The following MEGF10 variants were observed in gnomAD, a reference collection of about 807,000 sequenced individuals.
The protein encoded by MEGF10 is multiple epidermal growth factor-like domains protein 10.
A neutral mutation model predicts 147.5 loss-of-function variants in MEGF10; 86 were observed. That is an observed-to-expected ratio of 0.58 (90% CI 0.49 to 0.70). The LOEUF (loss-of-function observed/expected upper bound fraction) is 0.70. Among genes scored for constraint, MEGF10 ranks in the 30% least tolerant of loss-of-function variants. The pLI is 0.00. For missense variants in MEGF10, 1,329 were observed against 1,487.3 expected, an observed-to-expected ratio of 0.89 and a Z score of 1.75; for synonymous variants, 478 against 525.5, an observed-to-expected ratio of 0.91 and a Z score of 1.24.
chr5:127,328,928 A>G (rs955179055), intron 1 of MEGF10, among the ~76,000 whole-genome samples: 25 of 152,324 alleles, frequency 1.6e-4, no homozygotes, highest in Admixed American at 3.3e-4. Flanking sequence ...GGATGAGGAA[A>G]ACACTAGCTG....
intron 4 of MEGF10, among the ~76,000 whole-genome samples, chr5:127,352,758 T>C (rs143571232): frequency 6.6e-6 from 1 of 152,330 alleles, no homozygotes; most frequent in East Asian, 1.9e-4. Flanking sequence ...GACTGCCTTG[T>C]TCTTCAGAGA....
chr5:127,310,230 T>C (rs1760229454), intron 1 of MEGF10, among the ~76,000 whole-genome samples: 1 of 151,856 alleles, frequency 6.6e-6, no homozygotes, highest in South Asian at 2.1e-4. Context: ...AAAAAATGTC[T>C]ATGCAAGTTA....
At chr5:127,277,322 T>C in the MEGF10 span, among the ~76,000 whole-genome samples, 1 of 152,054 alleles carries the variant, frequency 6.6e-6, no homozygotes, top group East Asian at 1.9e-4. Context: ...ATTGAGGGAG[T>C]ATAGGAGTTG....
chr5:127,354,203 T>C (rs1762194203), intron 4 of MEGF10, among the ~76,000 whole-genome samples: 2 of 152,168 alleles, frequency 1.3e-5, no homozygotes, highest in African/African-American at 4.8e-5. Context: ...TTGAATGTCA[T>C]GCTTCAGAAA....
rs73785581 is a variant in MEGF10 at position 127,332,793 on chromosome 5, T to A, written c.116+1369T>A. 9.9e-5 allele frequency among the ~76,000 whole-genome samples: 15 copies of A among 152,278 alleles called. No homozygotes were observed. The South Asian group carries it at 3.1e-3, about 32-fold the overall frequency. On this transcript the variant is annotated intron_variant, in intron 2 of 24. Transcript: ENST00000503335. ...CAATAAAATATATAATAAATACTTATTAAAGTCATGAATCATTGGCTACAT... is the reference window on the plus strand; with the variant it reads ...CAATAAAATATATAATAAATACTTAATAAAGTCATGAATCATTGGCTACAT...
In MEGF10 at chr5:127,370,017, G is replaced by A; in HGVS notation, c.412+15G>A. On this transcript the variant is annotated intron_variant, in intron 5 of 24. Transcript: ENST00000503335. Reference sequence around the variant, plus strand: ...CTGCTCCAGTGGTAAGTTTCCACCTGCTGTTGTCTGTCTCGGGATGTTTTT... The same window carrying A: ...CTGCTCCAGTGGTAAGTTTCCACCTACTGTTGTCTGTCTCGGGATGTTTTT... 1 of 1,603,296 alleles carries A rather than the reference G, an allele frequency of 6.2e-7. No homozygotes were observed.
At chr5:127,430,155 G>A (rs1003899268) in intron 13 of MEGF10, among the ~76,000 whole-genome samples, 8 of 152,148 alleles carry the variant, frequency 5.3e-5, no homozygotes, top group Admixed American at 3.3e-4. Context: ...GGGTGTGCCT[G>A]TTCTGTGGTC....
chr5:127,351,216 C>A (rs771708604), intron 4 of MEGF10, among the ~76,000 whole-genome samples: 1 of 151,636 alleles, frequency 6.6e-6, no homozygotes, highest in Non-Finnish European at 1.5e-5. Flanking sequence ...ATTTTTTTAT[C>A]TGTGTAAAAA....
At chr5:127,420,301 C>T (rs754295015) in intron 12 of MEGF10, 94 bp downstream of exon 12, 3 of 1,422,350 alleles carry the variant, frequency 2.1e-6, no homozygotes, top group South Asian at 2.8e-5. Context: ...CTTCAAGTGG[C>T]TCACTGTGAA....
At chr5:127,265,997 T>C in the MEGF10 span, among the ~76,000 whole-genome samples, 4 of 152,212 alleles carry the variant, frequency 2.6e-5, no homozygotes, top group African/African-American at 9.6e-5. Context: ...TCCTTTCCCA[T>C]GCCTATGTCC....
At chr5:127,424,555 T>C in intron 13 of MEGF10, 1 of 1,397,940 alleles carries the variant, frequency 7.2e-7, no homozygotes, top group Non-Finnish European at 9.2e-7. Flanking sequence ...CCTTGGAAAA[T>C]GTTGAGAGCT....
intron 5 of MEGF10, among the ~76,000 whole-genome samples, chr5:127,379,838 G>C (rs1165309181): frequency 6.6e-6 from 1 of 151,946 alleles, no homozygotes; most frequent in African/African-American, 2.4e-5. Flanking sequence ...GACCTCAAGA[G>C]ATCTGCCCAC....
intron 1 of MEGF10, among the ~76,000 whole-genome samples, chr5:127,299,281 G>C (rs551193517): frequency 2.0e-4 from 30 of 152,322 alleles, no homozygotes; most frequent in African/African-American, 5.8e-4. Flanking sequence ...AATGGTCACT[G>C]TGTATATATT....
At chr5:127,233,877 G>T in the MEGF10 span, among the ~76,000 whole-genome samples, 1 of 152,136 alleles carries the variant, frequency 6.6e-6, no homozygotes, top group Non-Finnish European at 1.5e-5. Context: ...GTTGCATCTA[G>T]GTGGGAATCA....
At chr5:127,251,929 A>G in the MEGF10 span, among the ~76,000 whole-genome samples, 2 of 151,992 alleles carry the variant, frequency 1.3e-5, no homozygotes, top group Admixed American at 1.3e-4. Context: ...TAGGAAAATA[A>G]CAATCCCTCC....
intron 1 of MEGF10, among the ~76,000 whole-genome samples, chr5:127,303,335 C>CAAAAAAAAAAAAAAAAAAAAA (rs1174955274): frequency 2.0e-5 from 1 of 50,630 alleles, no homozygotes. Flanking sequence ...GACTCCATGT[C>CAAAAAAAAAAAAAAAAAAAAA]AAAAAAAAAA....
chr5:127,263,319 A>T, the MEGF10 span, among the ~76,000 whole-genome samples: 1 of 150,570 alleles, frequency 6.6e-6, no homozygotes, highest in African/African-American at 2.5e-5. Context: ...GGGGGGGGGT[A>T]AAATTATAGA....
chr5:127,244,374 A>G, the MEGF10 span, among the ~76,000 whole-genome samples: 1 of 151,670 alleles, frequency 6.6e-6, no homozygotes, highest in Admixed American at 6.6e-5. Context: ...TCCGAAAAAA[A>G]AAAAAAAAAG....
intron 5 of MEGF10, among the ~76,000 whole-genome samples, chr5:127,381,480 T>G (rs929350302): frequency 4.6e-5 from 7 of 152,038 alleles, no homozygotes; most frequent in Non-Finnish European, 1.0e-4. Flanking sequence ...GTGCTCAGAG[T>G]GAAGTGATGA....
Sources: gnomAD v4.1 joint callset for allele counts (sites outside exome capture counted in the v4.1 genomes callset) on GRCh38, gnomAD v4.1.1 for gene constraint, MANE v1.5 for transcripts, NCBI Gene and HGNC (gene_info 2026-07-23, HGNC 2026-07-21) for gene names.